The following CNOT2 variants were observed in gnomAD, a reference collection of about 807,000 sequenced individuals.
The protein encoded by CNOT2 is CC chemokine receptor 4-negative regulator of transcription 2.
In CNOT2, 7 loss-of-function variants were observed where a neutral mutation model predicts 72.1. The ratio of observed to expected loss-of-function variants is 0.10; its 90% CI spans 0.06 to 0.18. CNOT2 has a LOEUF of 0.18. CNOT2 is among the 10% of genes least tolerant of loss of function. The pLI, the probability that CNOT2 is intolerant of heterozygous loss-of-function variation, is 1.00. For synonymous variants in CNOT2, 196 were observed against 225.6 expected, an observed-to-expected ratio of 0.87 and a Z score of 1.17; for missense variants, 345 against 660.3, an observed-to-expected ratio of 0.52 and a Z score of 5.23.
chr12:70,298,727 C>G (rs1331161096), intron 2 of CNOT2, among the ~76,000 whole-genome samples: 1 of 152,040 alleles, frequency 6.6e-6, no homozygotes, highest in Non-Finnish European at 1.5e-5. Context: ...TATGCAAAGA[C>G]CGGGACATGG....
chr12:70,252,753 G>GA (rs1177587909), intron 1 of CNOT2, among the ~76,000 whole-genome samples: 2 of 151,986 alleles, frequency 1.3e-5, no homozygotes, highest in Non-Finnish European at 2.9e-5. Flanking sequence ...TTTCTCATTT[G>GA]AAAAATGTAG....
At chr12:70,311,820 C>G (rs1273729771) in intron 3 of CNOT2, among the ~76,000 whole-genome samples, 2 of 151,912 alleles carry the variant, frequency 1.3e-5, no homozygotes, top group Admixed American at 6.6e-5. Flanking sequence ...ATAAAACAAT[C>G]TACTCTAGCT....
chr12:70,345,684 T>C (rs1032368974), intron 14 of CNOT2: 1 of 152,242 alleles, frequency 6.6e-6, no homozygotes, highest in Admixed American at 6.5e-5. Flanking sequence ...ATATTCAGTA[T>C]AATTTTTCAA....
At chr12:70,284,200 C>A (rs1264748758) in intron 2 of CNOT2, among the ~76,000 whole-genome samples, 1 of 151,552 alleles carries the variant, frequency 6.6e-6, no homozygotes, top group African/African-American at 2.4e-5. Flanking sequence ...TCTGCCTCGA[C>A]CTCCCAATGT....
At chr12:70,338,605 T>C in intron 10 of CNOT2, 42 bp downstream of exon 10, 1 of 1,596,180 alleles carries the variant, frequency 6.3e-7, no homozygotes, top group Non-Finnish European at 8.5e-7. Context: ...TATAGAATGC[T>C]TTTTTTTCTA....
intron 1 of CNOT2, among the ~76,000 whole-genome samples, chr12:70,254,993 AAAAAAG>A (rs1386820844): frequency 6.6e-6 from 1 of 151,280 alleles, no homozygotes; most frequent in African/African-American, 2.4e-5. Flanking sequence ...AAAAAAAAAA[AAAAAAG>A]AAGAAGAAGA....
intron 2 of CNOT2, among the ~76,000 whole-genome samples, chr12:70,310,468 G>A (rs79192960): frequency 0.029 from 4,472 of 152,018 alleles, 144 homozygotes; most frequent in African/African-American, 0.068. Flanking sequence ...TAGATTGTAA[G>A]GAAAGATGAA....
chr12:70,304,049 T>C (rs1874698063), intron 2 of CNOT2, among the ~76,000 whole-genome samples: 1 of 152,224 alleles, frequency 6.6e-6, no homozygotes, highest in Non-Finnish European at 1.5e-5. Context: ...GGTTTTCAGC[T>C]CCATCAGGTC....
At chr12:70,297,761 G>C (rs556289323) in intron 2 of CNOT2, 137 of 369,756 alleles carry the variant, frequency 3.7e-4, no homozygotes, top group African/African-American at 2.6e-3. Context: ...TTTTTGAGAC[G>C]TGGTCTCACT....
chr12:70,247,071 T>C (rs557220206), intron 1 of CNOT2, among the ~76,000 whole-genome samples: 1 of 152,316 alleles, frequency 6.6e-6, no homozygotes, highest in African/African-American at 2.4e-5. Context: ...CAGGGTTTTG[T>C]ATATGCGTAG....
chr12:70,269,752 G>A (rs545045887), intron 1 of CNOT2, among the ~76,000 whole-genome samples: 120 of 152,184 alleles, frequency 7.9e-4, no homozygotes, highest in African/African-American at 2.8e-3. Context: ...TCAGTTAGAG[G>A]TTTGTAAAAT....
intron 1 of CNOT2, among the ~76,000 whole-genome samples, chr12:70,268,155 G>A (rs1959141014): frequency 6.6e-6 from 1 of 152,070 alleles, no homozygotes; most frequent in South Asian, 2.1e-4. Flanking sequence ...AGGTCTGCTA[G>A]CAATGAATTC....
intron 2 of CNOT2, 25 bp downstream of exon 2, chr12:70,278,299 T>C (rs770266923): frequency 2.6e-6 from 4 of 1,515,390 alleles, no homozygotes; most frequent in Middle Eastern, 1.7e-4. Flanking sequence ...TCTTCTTTTT[T>C]CTCTATTGGT....
chr12:70,343,092 G>A (rs952794278), intron 13 of CNOT2, among the ~76,000 whole-genome samples: 1 of 152,066 alleles, frequency 6.6e-6, no homozygotes, highest in Non-Finnish European at 1.5e-5. Context: ...AGATGGAGAG[G>A]TCTCCTATTT....
chr12:70,341,454 C>T (rs1369889560), intron 11 of CNOT2, among the ~76,000 whole-genome samples: 2 of 152,122 alleles, frequency 1.3e-5, no homozygotes, highest in Non-Finnish European at 2.9e-5. Context: ...ACCTAACTGA[C>T]CACCCTATTT....
intron 1 of CNOT2, among the ~76,000 whole-genome samples, chr12:70,267,883 A>T (rs1382608238): frequency 6.6e-6 from 1 of 152,248 alleles, no homozygotes; most frequent in Non-Finnish European, 1.5e-5. Flanking sequence ...TAGTTTATAT[A>T]TTGTCTCTGG....
intron 1 of CNOT2, among the ~76,000 whole-genome samples, chr12:70,244,539 A>G (rs1000686391): frequency 6.6e-6 from 1 of 152,168 alleles, no homozygotes; most frequent in Non-Finnish European, 1.5e-5. Context: ...CGGTATTACT[A>G]CCACAAAAGT....
At chr12:70,320,978 A>G (rs770383618) in intron 4 of CNOT2, among the ~76,000 whole-genome samples, 4 of 151,848 alleles carry the variant, frequency 2.6e-5, no homozygotes, top group Non-Finnish European at 4.4e-5. Flanking sequence ...ACAGACATTT[A>G]TGTTTTTGTT....
intron 1 of CNOT2, among the ~76,000 whole-genome samples, chr12:70,274,852 A>C (rs1868489668): frequency 6.6e-6 from 1 of 152,086 alleles, no homozygotes; most frequent in Non-Finnish European, 1.5e-5. Flanking sequence ...TCTTGCATGA[A>C]TTAACAGCTT....
Sources: allele counts gnomAD v4.1 joint callset (sites outside exome capture counted in the v4.1 genomes callset), GRCh38; gene constraint gnomAD v4.1.1; transcripts MANE v1.5; gene names NCBI Gene and HGNC (gene_info 2026-07-23, HGNC 2026-07-21).